Variants in DNAH9 observed in about 807,000 individuals in gnomAD.
DNAH9 encodes the protein DNAH9 variant protein.
DNAH9 carries 345 observed loss-of-function variants against 471.6 expected under a neutral mutation model. The ratio of observed to expected loss-of-function variants is 0.73; its 90% CI spans 0.67 to 0.80. DNAH9 has a LOEUF of 0.80. DNAH9 is among the 30% of genes least tolerant of loss of function. The pLI is 0.00. For missense variants in DNAH9, 5,407 were observed against 5,609.2 expected, an observed-to-expected ratio of 0.96 and a Z score of 1.15; for synonymous variants, 2,093 against 2,123.6, an observed-to-expected ratio of 0.99 and a Z score of 0.40.
Position 11,937,832 on chromosome 17 carries a change from G to C in DNAH9, c.12660+310G>C, listed in dbSNP as rs929925081. ...AGTGAAGAAAGGGCAGGGCTGAACAGTGGTGGCTTGGGAACCTTGAATGTG... is the reference window on the plus strand; with the variant it reads ...AGTGAAGAAAGGGCAGGGCTGAACACTGGTGGCTTGGGAACCTTGAATGTG... On this transcript the variant is annotated intron_variant, in intron 66 of 68. Coordinates refer to ENST00000262442, the MANE Select transcript of DNAH9 (RefSeq NM_001372.4). This position sits in a 1 kb window ranked among gnomAD's most constrained non-coding sequence, Gnocchi z 4.1. 1.3e-5 allele frequency among the ~76,000 whole-genome samples: 2 copies of C among 152,206 alleles called. No homozygotes were observed. The highest frequency in any genetic ancestry group is 6.5e-5 in the Admixed American group (1 of 15,284).
intron 10 of DNAH9, 54 bp from the exon 11 acceptor site, chr17:11,644,577 T>G: frequency 7.4e-7 from 1 of 1,342,690 alleles, no homozygotes; most frequent in Non-Finnish European, 1.1e-6. Context: ...TTCCTCGGAT[T>G]ATTACTTTAA....
At chr17:11,723,801 T>G (rs961676836) in intron 27 of DNAH9, among the ~76,000 whole-genome samples, 1 of 151,940 alleles carries the variant, frequency 6.6e-6, no homozygotes, top group South Asian at 2.1e-4. Context: ...CCGAGTAGCT[T>G]GGACTACAGG....
chr17:11,848,588 C>G (rs1395300984), intron 49 of DNAH9, among the ~76,000 whole-genome samples: 1 of 151,726 alleles, frequency 6.6e-6, no homozygotes, highest in African/African-American at 2.4e-5. Context: ...TTATTAATGA[C>G]AATTTGTACA....
At chr17:11,606,803 A>G (rs1315319974) in intron 1 of DNAH9, among the ~76,000 whole-genome samples, 2 of 152,152 alleles carry the variant, frequency 1.3e-5, no homozygotes, top group Non-Finnish European at 2.9e-5. Flanking sequence ...AAAGTTACCA[A>G]GACTTGGTCT....
At chr17:11,764,313 A>C (rs1054942485) in intron 36 of DNAH9, among the ~76,000 whole-genome samples, 5 of 152,246 alleles carry the variant, frequency 3.3e-5, no homozygotes, top group African/African-American at 1.2e-4. Flanking sequence ...AGAAAGAAAA[A>C]TATTCAATAT....
chr17:11,817,842 A>G (rs1287064776), intron 45 of DNAH9, among the ~76,000 whole-genome samples: 2 of 152,212 alleles, frequency 1.3e-5, no homozygotes, highest in Admixed American at 1.3e-4. Context: ...AAGTTGGTAC[A>G]ATTAAGAGAA....
At chr17:11,778,327 CTCAAAAAAAAAAAAAAA>C (rs1244154280) in intron 38 of DNAH9, among the ~76,000 whole-genome samples, 21 of 29,388 alleles carry the variant, frequency 7.1e-4, no homozygotes, top group African/African-American at 2.8e-3. Flanking sequence ...GAGACTCCAT[CTCAAAAAAAAAAAAAAA>C]AAAAAAAAAA....
At chr17:11,615,949 G>A (rs567867268) in intron 4 of DNAH9, among the ~76,000 whole-genome samples, 1 of 152,194 alleles carries the variant, frequency 6.6e-6, no homozygotes. Flanking sequence ...GAGAATCCCT[G>A]CCCTAATCAA....
Position 11,937,665 on chromosome 17 carries a change from G to C in DNAH9, c.12660+143G>C. The C allele has an allele frequency of 1.2e-6, 1 of 839,244 alleles. No homozygotes were observed. The highest frequency in any genetic ancestry group is 1.7e-6 in the Non-Finnish European group (1 of 590,520). 52.0% of individuals were successfully genotyped at this position (839,244 alleles called of 1,614,324 possible). A position where few individuals can be genotyped will look rare whatever the true frequency, so the allele number is the denominator to read the frequency against. On this transcript the variant is annotated intron_variant, in intron 66 of 68. Transcript: ENST00000262442. This position sits in a 1 kb window ranked among gnomAD's most constrained non-coding sequence, Gnocchi z 4.1. ...AACCACCTGCAGCCTGGAGATGCTTGCCTGTCACCGCCAAGAGCCTCTCCC... is the reference window on the plus strand; with the variant it reads ...AACCACCTGCAGCCTGGAGATGCTTCCCTGTCACCGCCAAGAGCCTCTCCC...
chr17:11,741,687 G>A (rs2075435239), intron 29 of DNAH9, among the ~76,000 whole-genome samples: 1 of 152,178 alleles, frequency 6.6e-6, no homozygotes, highest in South Asian at 2.1e-4. Flanking sequence ...AATAAGTACA[G>A]GATAAGCCCT....
intron 26 of DNAH9, among the ~76,000 whole-genome samples, chr17:11,706,196 A>G (rs1276903323): frequency 6.6e-6 from 1 of 152,176 alleles, no homozygotes; most frequent in East Asian, 1.9e-4. Context: ...TTTCTTGTCA[A>G]TCAATTGATC....
intron 59 of DNAH9, 50 bp from the exon 60 acceptor site, chr17:11,902,669 A>G: frequency 6.4e-7 from 1 of 1,557,082 alleles, no homozygotes; most frequent in African/African-American, 1.4e-5. Flanking sequence ...CACAATGCAA[A>G]TGACAGCTTT....
intron 1 of DNAH9, among the ~76,000 whole-genome samples, chr17:11,607,573 T>G (rs1429548761): frequency 6.6e-6 from 1 of 152,104 alleles, no homozygotes; most frequent in Non-Finnish European, 1.5e-5. Flanking sequence ...TGTTTTTTCT[T>G]TTTACATTTT....
At position 11,881,283 on chromosome 17, in the gene DNAH9, A is replaced by G. The variant is rs748330230; in HGVS notation, c.10676A>G (p.Asn3559Ser). ...FRLILHTKLA[N>S]PHYQPELQAQ... Reference sequence around the variant, plus strand: ...CTCATCCTCCACACCAAGCTGGCTAATCCTCACTACCAGCCTGAGCTGCAG... The same window carrying G: ...CTCATCCTCCACACCAAGCTGGCTAGTCCTCACTACCAGCCTGAGCTGCAG... The change falls in exon 55 of 69, where the codon AAT becomes AGT. Residue 3559 changes from asparagine to serine, a missense_variant. By Grantham distance (46) the Asn-to-Ser change is conservative. Transcript: ENST00000262442. 6.2e-7 allele frequency: 1 copy of G among 1,614,076 alleles called. No homozygotes were observed. Among genetic ancestry groups the G allele is most frequent in the African/African-American group, 1.3e-5 (1 of 74,926 alleles).
chr17:11,704,892 C>T (rs1043730908), intron 25 of DNAH9, 133 bp from the exon 26 acceptor site: 5 of 742,270 alleles, frequency 6.7e-6, no homozygotes, highest in Non-Finnish European at 1.2e-5. Context: ...GCTTTCTATG[C>T]TGTGGTGGCC....
chr17:11,710,417 A>T (rs2074809189), intron 26 of DNAH9, among the ~76,000 whole-genome samples: 1 of 152,192 alleles, frequency 6.6e-6, no homozygotes, highest in Non-Finnish European at 1.5e-5. Flanking sequence ...GATGACACAT[A>T]CTTTCAAATC....
rs528618572 is a variant in DNAH9, at chr17:11,672,183, C to T, written c.3353+2389C>T. Among the ~76,000 whole-genome samples, 121 of 152,294 alleles carry T rather than the reference C, an allele frequency of 7.9e-4. 1 individual carries two copies. In the Middle Eastern group the frequency reaches 0.01, roughly 13 times the overall value. On this transcript the variant is annotated intron_variant, in intron 17 of 68. Transcript: ENST00000262442. ...TTCATTCACTGCCAGAAGTCCAACC[C>T]CCTTTTATTACGTAAATTCTCATCT... is the stretch of plus-strand genomic sequence containing the variant.
chr17:11,720,475 A>G (rs2075037533), intron 27 of DNAH9, among the ~76,000 whole-genome samples: 2 of 152,060 alleles, frequency 1.3e-5, no homozygotes, highest in Admixed American at 6.6e-5. Context: ...TATTTTTGTT[A>G]TATTGTATGT....
At chr17:11,780,076 A>G (rs1379552991) in intron 38 of DNAH9, among the ~76,000 whole-genome samples, 1 of 152,236 alleles carries the variant, frequency 6.6e-6, no homozygotes, top group African/African-American at 2.4e-5. Context: ...AAAAGTACAG[A>G]TATCTCCACC....
Sources: gnomAD v4.1 joint callset for allele counts (sites outside exome capture counted in the v4.1 genomes callset) on GRCh38, gnomAD v4.1.1 for gene constraint, Gnocchi (gnomAD v3.1) non-coding constraint, MANE v1.5 for transcripts, NCBI Gene and HGNC (gene_info 2026-07-23, HGNC 2026-07-21) for gene names.